CACHD1: variants seen among roughly 807,000 people sequenced by gnomAD.
CACHD1 encodes cache domain containing 1.
A neutral mutation model predicts 138.7 loss-of-function variants in CACHD1; 71 were observed. The ratio of observed to expected loss-of-function variants is 0.51; its 90% CI spans 0.42 to 0.62. The LOEUF (loss-of-function observed/expected upper bound fraction) is 0.62. Among genes scored for constraint, CACHD1 ranks in the 20% least tolerant of loss-of-function variants. CACHD1 has a pLI of 0.00. For synonymous variants in CACHD1, 578 were observed against 591.5 expected (o/e 0.98, Z 0.33); for missense variants, 1,389 against 1,625.3 (o/e 0.85, Z 2.50).
At chr1:64,664,709 G>C in intron 15 of CACHD1, 30 bp downstream of exon 15, 1 of 1,602,638 alleles carries the variant, frequency 6.2e-7, no homozygotes, top group Non-Finnish European at 8.5e-7. Context: ...GTTATCAAAG[G>C]TTCTCCCCCA....
chr1:64,498,346 A>T (rs998884538), intron 1 of CACHD1, among the ~76,000 whole-genome samples: 1 of 152,136 alleles, frequency 6.6e-6, no homozygotes, highest in Non-Finnish European at 1.5e-5. Flanking sequence ...TTATTTTTTC[A>T]CTATTCGAAA....
intron 7 of CACHD1, among the ~76,000 whole-genome samples, chr1:64,638,813 C>T (rs912622758): frequency 2.0e-5 from 3 of 151,874 alleles, no homozygotes; most frequent in Non-Finnish European, 1.5e-5. Flanking sequence ...AAGTGGGTGA[C>T]TAAAAAGGGA....
At chr1:64,556,619 A>C (rs1570362787) in intron 2 of CACHD1, among the ~76,000 whole-genome samples, 1 of 152,164 alleles carries the variant, frequency 6.6e-6, no homozygotes, top group African/African-American at 2.4e-5. Context: ...CAAAGGAATT[A>C]ACACTAATAA....
chr1:64,641,472 G>A (rs564920977), intron 7 of CACHD1, among the ~76,000 whole-genome samples: 9 of 152,276 alleles, frequency 5.9e-5, no homozygotes, highest in East Asian at 1.9e-4. Flanking sequence ...GATAAGTCGC[G>A]TTCTGCATCA....
At chr1:64,662,067 A>G (rs1156446727) in intron 13 of CACHD1, among the ~76,000 whole-genome samples, 4 of 152,228 alleles carry the variant, frequency 2.6e-5, no homozygotes, top group Non-Finnish European at 4.4e-5. Flanking sequence ...ATGTCTACCA[A>G]TCCAGAAGAA....
intron 4 of CACHD1, among the ~76,000 whole-genome samples, chr1:64,603,448 A>G (rs1426185851): frequency 6.6e-6 from 1 of 152,144 alleles, no homozygotes; most frequent in Non-Finnish European, 1.5e-5. Flanking sequence ...GTACATGCCA[A>G]ATACCTTTCT....
intron 1 of CACHD1, among the ~76,000 whole-genome samples, chr1:64,512,213 G>C (rs1192887798): frequency 6.6e-6 from 1 of 151,962 alleles, no homozygotes; most frequent in Non-Finnish European, 1.5e-5. Context: ...AGCCAACATG[G>C]TGAAACCCTG....
rs1648421155 is a variant in CACHD1, at chr1:64,634,201, G to T, written c.947G>T (p.Gly316Val). The change falls in exon 7 of 27, where the codon GGA (glycine) becomes GTA (valine). Residue 316 changes from glycine (G) to valine (V), a missense_variant. Physicochemically the swap from Gly to Val is moderately radical, Grantham distance 109. Transcript: ENST00000651257. Reference protein sequence around the residue: ...SSDSPTQHAVGFQKAFQLIRS... With the variant: ...SSDSPTQHAVVFQKAFQLIRS... ...GACAGTCCTACCCAGCACGCAGTGG[G>T]ATTCCAAAAGGCATTTCAGCTGATT... 2 of 1,613,708 alleles carry T rather than the reference G, an allele frequency of 1.2e-6. No individual in the cohort carries two copies. The highest frequency in any genetic ancestry group is 1.7e-6 in the Non-Finnish European group (2 of 1,179,942).
At chr1:64,474,338 G>A (rs1040719116) in intron 1 of CACHD1, among the ~76,000 whole-genome samples, 1 of 152,174 alleles carries the variant, frequency 6.6e-6, no homozygotes, top group Admixed American at 6.5e-5. Flanking sequence ...AAGCAGCATC[G>A]TGGAGTGGAA....
chr1:64,577,763 G>T (rs1235144598), intron 2 of CACHD1, among the ~76,000 whole-genome samples: 1 of 152,158 alleles, frequency 6.6e-6, no homozygotes, highest in Non-Finnish European at 1.5e-5. Context: ...TGAAAGACTG[G>T]GGAATTTCTG....
chr1:64,472,683 CAGT>C (rs1280169463), intron 1 of CACHD1, among the ~76,000 whole-genome samples: 6 of 152,120 alleles, frequency 3.9e-5, no homozygotes, highest in Non-Finnish European at 2.9e-5. Context: ...ATTAAAAAAA[CAGT>C]GGTGAATATT....
chr1:64,550,569 C>A, intron 1 of CACHD1, 25 bp from the exon 2 acceptor site: 1 of 1,551,664 alleles, frequency 6.4e-7, no homozygotes. Context: ...TAGAAAATCT[C>A]ATGTTCATTT....
At chr1:64,685,904 G>C (rs1650353651) in intron 26 of CACHD1, among the ~76,000 whole-genome samples, 1 of 151,826 alleles carries the variant, frequency 6.6e-6, no homozygotes, top group Non-Finnish European at 1.5e-5. Context: ...GAAATGAAAT[G>C]ACATATGATA....
At position 64,673,124 on chromosome 1, in the gene CACHD1, A is replaced by T; in HGVS notation, c.2511-34A>T. On this transcript the variant is annotated intron_variant, in intron 17 of 26. Transcript: ENST00000651257. The stretch of plus-strand genomic sequence containing the variant: ...CGTTTGAAAAAAAAAAAAACAGCTG[A>T]TATGAATGAGGGGCATAACTTGTTT... 11 of 1,487,806 alleles carry T rather than the reference A, an allele frequency of 7.4e-6. No individual in the cohort carries two copies. The Admixed American group carries it at 1.1e-4, about 15-fold the overall frequency. The allele number at this position is 1,487,806 out of a possible 1,614,324, so 92.2% of individuals were successfully genotyped here.
chr1:64,664,087 G>A, intron 14 of CACHD1: 1 of 526,140 alleles, frequency 1.9e-6, no homozygotes, highest in South Asian at 2.8e-5. Flanking sequence ...TGATGTTAGA[G>A]GGATGTGATT....
At chr1:64,629,139 G>C (rs1648213153) in intron 4 of CACHD1, among the ~76,000 whole-genome samples, 1 of 152,146 alleles carries the variant, frequency 6.6e-6, no homozygotes, top group Admixed American at 6.6e-5. Context: ...ACAATATTAA[G>C]AGTAATAACT....
rs117601496 is a variant in CACHD1 at position 64,629,792 on chromosome 1, G to C, written c.644+311G>C. On this transcript the variant is annotated intron_variant, in intron 5 of 26. Transcript: ENST00000651257. Reference sequence around the variant, plus strand: ...CAGAATTCTTTGTTGAAATGTAAATGATGGTACCTTATCTATAGTGCAGCC... The same window carrying C: ...CAGAATTCTTTGTTGAAATGTAAATCATGGTACCTTATCTATAGTGCAGCC... Among the ~76,000 whole-genome samples, 19 of 152,264 alleles carry C rather than the reference G, an allele frequency of 1.2e-4. No homozygotes were observed. The East Asian group carries it at 3.5e-3, about 28-fold the overall frequency.
chr1:64,682,272 G>C (rs921276324), intron 26 of CACHD1, among the ~76,000 whole-genome samples, 166 bp downstream of exon 26: 2 of 152,118 alleles, frequency 1.3e-5, no homozygotes, highest in Non-Finnish European at 2.9e-5. Flanking sequence ...GCACTCCTCT[G>C]GGCACACAGA....
intron 14 of CACHD1, chr1:64,664,281 T>A: frequency 3.5e-6 from 2 of 576,186 alleles, no homozygotes; most frequent in Non-Finnish European, 6.1e-6. Context: ...AAAGCCTAGG[T>A]AGGGTGAACA....
Sources: gnomAD v4.1 joint callset for allele counts (sites outside exome capture counted in the v4.1 genomes callset) on GRCh38, gnomAD v4.1.1 for gene constraint, MANE v1.5 for transcripts, NCBI Gene and HGNC (gene_info 2026-07-23, HGNC 2026-07-21) for gene names.